The following KAZN variants were observed in gnomAD, a reference collection of about 807,000 sequenced individuals.
The protein encoded by KAZN is kazrin, periplakin interacting protein, also known as kazrin.
A neutral mutation model predicts 87.4 loss-of-function variants in KAZN; 40 were observed. The ratio of observed to expected loss-of-function variants is 0.46; its 90% CI spans 0.36 to 0.60. The LOEUF (loss-of-function observed/expected upper bound fraction) is 0.60, where lower values mean the gene tolerates loss of function less well. Among genes scored for constraint, KAZN ranks in the 20% least tolerant of loss-of-function variants. The probability of loss-of-function intolerance (pLI) is 0.00; values close to 1 mark genes in which losing one functional copy is unlikely to be tolerated. For synonymous variants in KAZN, 466 were observed against 458.3 expected (o/e 1.02, Z -0.22); for missense variants, 898 against 1,073.9 (o/e 0.84, Z 2.29).
intron 1 of KAZN, among the ~76,000 whole-genome samples, chr1:14,068,295 C>A (rs1643098060): frequency 6.6e-6 from 1 of 152,158 alleles, no homozygotes; most frequent in Non-Finnish European, 1.5e-5. Flanking sequence ...GAAGAAGCAA[C>A]CTCTTCATGT....
intron 3 of KAZN, among the ~76,000 whole-genome samples, chr1:15,043,534 G>A (rs954045063): frequency 3.1e-4 from 47 of 151,334 alleles, no homozygotes; most frequent in Non-Finnish European, 3.2e-4. Flanking sequence ...CTCTGTTCCA[G>A]TCTTCCAGCT....
At chr1:14,624,516 G>A (rs905560698) in intron 1 of KAZN, among the ~76,000 whole-genome samples, 1 of 151,870 alleles carries the variant, frequency 6.6e-6, no homozygotes, top group Non-Finnish European at 1.5e-5. Context: ...GTATTCTCAA[G>A]TTCTGTCATT....
intron 1 of KAZN, among the ~76,000 whole-genome samples, chr1:14,950,459 GGAGTGAC>G (rs1662346525): frequency 6.6e-6 from 1 of 152,118 alleles, no homozygotes; most frequent in African/African-American, 2.4e-5. Context: ...CCCCACAGAG[GGAGTGAC>G]GCCAAGCCTA....
intron 2 of KAZN, among the ~76,000 whole-genome samples, chr1:14,568,750 A>AG (rs1674685792): frequency 6.6e-6 from 1 of 152,198 alleles, no homozygotes; most frequent in Admixed American, 6.5e-5. Context: ...AGCTGTACCC[A>AG]GGCTTCTGAC....
intron 1 of KAZN, among the ~76,000 whole-genome samples, chr1:14,688,071 C>T (rs546339309): frequency 2.6e-5 from 4 of 152,296 alleles, no homozygotes; most frequent in East Asian, 3.9e-4. Context: ...GCTCTACCCC[C>T]ACCCGTGCCC....
At position 15,065,613 on chromosome 1, in the gene KAZN, G is replaced by A; in HGVS notation, c.1099-17G>A. Reference sequence around the variant, plus strand: ...TCTTCTCCCCCACCCTCTTCCACGTGGCTCCTGACTCCTCAGTCACTAGAG... The same window carrying A: ...TCTTCTCCCCCACCCTCTTCCACGTAGCTCCTGACTCCTCAGTCACTAGAG... On this transcript the variant is annotated splice_polypyrimidine_tract_variant and intron_variant, in intron 7 of 14. Transcript: ENST00000376030. 2 of 1,592,712 alleles carry A rather than the reference G, an allele frequency of 1.3e-6. No homozygotes were observed. The highest frequency in any genetic ancestry group is 1.7e-6 in the Non-Finnish European group (2 of 1,165,898).
intron 1 of KAZN, among the ~76,000 whole-genome samples, chr1:14,664,207 C>A (rs1279360439): frequency 6.6e-6 from 1 of 152,186 alleles, no homozygotes; most frequent in African/African-American, 2.4e-5. Flanking sequence ...CCGAGGTGGG[C>A]AGATCACCTG....
chr1:14,928,225 C>A (rs1318545191), intron 1 of KAZN, among the ~76,000 whole-genome samples: 1 of 151,886 alleles, frequency 6.6e-6, no homozygotes, highest in African/African-American at 2.4e-5. Context: ...CCGAGGCGGG[C>A]GGATCACGAG....
At chr1:14,340,298 T>C (rs1050003833) in intron 2 of KAZN, among the ~76,000 whole-genome samples, 3 of 152,266 alleles carry the variant, frequency 2.0e-5, no homozygotes, top group Non-Finnish European at 4.4e-5. Context: ...GATATTAAGC[T>C]ATGTGTTTCT....
chr1:14,598,293 T>C (rs1446240574), upstream of KAZN, among the ~76,000 whole-genome samples: 3 of 152,094 alleles, frequency 2.0e-5, no homozygotes, highest in South Asian at 2.1e-4. This position sits in a 1 kb window ranked among gnomAD's most constrained non-coding sequence, Gnocchi z 4.2. Context: ...ACTCCACTCC[T>C]GAGCTGGCGC....
chr1:14,124,292 T>C (rs1001535258), intron 1 of KAZN: 3 of 152,180 alleles, frequency 2.0e-5, no homozygotes, highest in African/African-American at 7.2e-5. Flanking sequence ...TGTGCTAGTC[T>C]TCTCTGTACC....
chr1:15,048,827 G>GCTGGGTCGTTGGTC (rs769921343), intron 4 of KAZN, among the ~76,000 whole-genome samples: 7 of 109,782 alleles, frequency 6.4e-5, no homozygotes, highest in African/African-American at 1.4e-4. Flanking sequence ...GGTTGTTGGT[G>GCTGGGTCGTTGGTC]CTGGGTCGTT....
intron 2 of KAZN, among the ~76,000 whole-genome samples, chr1:14,336,005 C>T (rs868093923): frequency 4.6e-5 from 7 of 152,220 alleles, no homozygotes; most frequent in Non-Finnish European, 7.4e-5. Flanking sequence ...TCCCTCACCA[C>T]GGAAGTAGCA....
intron 1 of KAZN, among the ~76,000 whole-genome samples, chr1:14,725,361 C>T (rs1035628374): frequency 5.9e-5 from 9 of 152,168 alleles, no homozygotes; most frequent in African/African-American, 1.4e-4. Flanking sequence ...TCCTTTGTGA[C>T]ATTTACCACT....
chr1:14,018,595 T>A (rs1266531401), intron 1 of KAZN, among the ~76,000 whole-genome samples: 3 of 152,170 alleles, frequency 2.0e-5, no homozygotes, highest in Non-Finnish European at 4.4e-5. Context: ...GAGATTGGCA[T>A]GTGAGTTGGT....
intron 2 of KAZN, among the ~76,000 whole-genome samples, chr1:14,228,158 GTGA>G (rs760211870): frequency 2.0e-5 from 3 of 152,110 alleles, no homozygotes; most frequent in Non-Finnish European, 4.4e-5. Context: ...GACAATGATA[GTGA>G]TGATGATGAT....
At chr1:14,477,466 C>T (rs548744737) in intron 2 of KAZN, among the ~76,000 whole-genome samples, 1 of 151,174 alleles carries the variant, frequency 6.6e-6, no homozygotes, top group East Asian at 1.9e-4. Flanking sequence ...CTCTCTCTTT[C>T]TCTCTCTCTC....
At chr1:14,577,918 G>A (rs1675291521) in intron 2 of KAZN, among the ~76,000 whole-genome samples, 1 of 152,060 alleles carries the variant, frequency 6.6e-6, no homozygotes, top group African/African-American at 2.4e-5. Flanking sequence ...GGCAGAGCTG[G>A]GACCCACGGT....
chr1:15,110,509 G>C (rs1227174403), intron 13 of KAZN, among the ~76,000 whole-genome samples: 1 of 81,322 alleles, frequency 1.2e-5, no homozygotes, highest in African/African-American at 5.9e-5. Context: ...GTGTGTATTT[G>C]TGTGTTTGTG....
Sources: allele counts gnomAD v4.1 joint callset (sites outside exome capture counted in the v4.1 genomes callset), GRCh38; gene constraint gnomAD v4.1.1; non-coding constraint Gnocchi (gnomAD v3.1); transcripts MANE v1.5; gene names NCBI Gene and HGNC (gene_info 2026-07-23, HGNC 2026-07-21).